Variants in CNBD1 observed in about 807,000 individuals in gnomAD.
The protein encoded by CNBD1 is cyclic nucleotide-binding domain-containing protein 1.
CNBD1 carries 71 observed loss-of-function variants against 54.4 expected under a neutral mutation model. The observed-to-expected ratio is 1.30, with a 90% CI of 1.08 to 1.59. CNBD1 has a LOEUF of 1.59. CNBD1 is among the 40% of genes most tolerant of loss of function. The pLI, the probability that CNBD1 is intolerant of heterozygous loss-of-function variation, is 0.00. For missense variants in CNBD1, 659 were observed against 518.0 expected, an observed-to-expected ratio of 1.27 and a Z score of -2.64; for synonymous variants, 182 against 170.7, an observed-to-expected ratio of 1.07 and a Z score of -0.51.
At chr8:87,190,786 C>A (rs1813584492) in intron 4 of CNBD1, among the ~76,000 whole-genome samples, 1 of 149,352 alleles carries the variant, frequency 6.7e-6, no homozygotes, top group Non-Finnish European at 1.5e-5. Flanking sequence ...CCTTTGCCTG[C>A]TGTGTTAGTC....
intron 3 of CNBD1, among the ~76,000 whole-genome samples, chr8:86,927,909 T>C (rs1403842091): frequency 6.6e-6 from 1 of 152,072 alleles, no homozygotes; most frequent in African/African-American, 2.4e-5. Flanking sequence ...CTGGCTGATT[T>C]TGGGACTCCT....
At chr8:87,395,353 A>G (rs1811390527) in intron 2 of CNBD1, among the ~76,000 whole-genome samples, 1 of 151,920 alleles carries the variant, frequency 6.6e-6, no homozygotes. Context: ...TGGATTTTAG[A>G]ACACAAGTTA....
intron 6 of CNBD1, among the ~76,000 whole-genome samples, chr8:87,256,965 C>T (rs6993712): frequency 0.65 from 98,960 of 151,674 alleles, 32,803 homozygotes; most frequent in African/African-American, 0.74. Context: ...CAGTGAACCA[C>T]AAAAAGCTTT....
intron 6 of CNBD1, among the ~76,000 whole-genome samples, chr8:87,281,590 AT>A (rs1808603144): frequency 3.6e-5 from 2 of 55,250 alleles, no homozygotes; most frequent in Non-Finnish European, 7.3e-5. Context: ...ATATATATAT[AT>A]ATATATATAT....
intron 5 of CNBD1, among the ~76,000 whole-genome samples, chr8:87,226,724 T>TG (rs1205978033): frequency 3.9e-3 from 590 of 152,024 alleles, no homozygotes; most frequent in African/African-American, 0.013. Flanking sequence ...TCTGTTGATT[T>TG]GGGTGGAGAG....
intron 10 of CNBD1, among the ~76,000 whole-genome samples, chr8:87,369,023 TACA>T (rs1332271461): frequency 6.6e-6 from 1 of 152,024 alleles, no homozygotes; most frequent in African/African-American, 2.4e-5. Flanking sequence ...GGATCCATAT[TACA>T]ACAACTATAC....
At chr8:87,360,789 C>T (rs1034249808) in intron 10 of CNBD1, among the ~76,000 whole-genome samples, 2 of 151,690 alleles carry the variant, frequency 1.3e-5, no homozygotes, top group Non-Finnish European at 2.9e-5. Flanking sequence ...ATTTCAATTC[C>T]AAGGTGTTAT....
chr8:87,095,453 G>A (rs958223175), intron 4 of CNBD1, among the ~76,000 whole-genome samples: 13 of 152,140 alleles, frequency 8.5e-5, no homozygotes, highest in African/African-American at 2.4e-4. Context: ...GACTAGATTA[G>A]ATGTCTCTCT....
chr8:87,313,176 T>TTGATGC (rs1809305767), intron 8 of CNBD1, among the ~76,000 whole-genome samples: 1 of 152,070 alleles, frequency 6.6e-6, no homozygotes. Flanking sequence ...TTGAAAAGGT[T>TTGATGC]TGATGCTTTT....
Position 87,324,253 on chromosome 8 carries a change from T to A in CNBD1, c.1043-27432T>A, listed in dbSNP as rs1809613037. Among the ~76,000 whole-genome samples the A allele has an allele frequency of 4.0e-5, 5 of 125,734 alleles. No individual in the cohort carries two copies. The South Asian group carries it at 9.3e-4, about 23-fold the overall frequency. The allele number at this position is 125,734 out of a possible 152,430, so 82.5% of individuals were successfully genotyped here. ...CATCAATGTTCATCAAGGATATTGA[T>A]CTAAAATTCTCTTTTTTGGTTGTGT... On this transcript the variant is annotated intron_variant, in intron 8 of 10. Transcript: ENST00000518476.
chr8:86,870,373 T>C (rs924451148), intron 1 of CNBD1, among the ~76,000 whole-genome samples: 17 of 151,612 alleles, frequency 1.1e-4, no homozygotes, highest in African/African-American at 4.1e-4. Context: ...TTTTTTGTAT[T>C]TTTTTAGTAG....
At chr8:87,218,707 T>C (rs1433252574) in intron 5 of CNBD1, among the ~76,000 whole-genome samples, 24 of 152,162 alleles carry the variant, frequency 1.6e-4, no homozygotes, top group Middle Eastern at 3.4e-3. Context: ...TTTAAATAGA[T>C]ATGATATTGT....
At chr8:87,261,904 G>A (rs935924427) in intron 6 of CNBD1, among the ~76,000 whole-genome samples, 6 of 151,938 alleles carry the variant, frequency 3.9e-5, no homozygotes, top group African/African-American at 9.7e-5. Context: ...CCGGCACTTC[G>A]GGAGGCTGAG....
At chr8:87,201,669 A>G (rs1813864802) in intron 4 of CNBD1, among the ~76,000 whole-genome samples, 1 of 152,234 alleles carries the variant, frequency 6.6e-6, no homozygotes, top group African/African-American at 2.4e-5. Flanking sequence ...AGAAAAATGT[A>G]CAAGACTTGT....
intron 8 of CNBD1, among the ~76,000 whole-genome samples, chr8:87,324,404 T>C (rs1255585552): frequency 7.5e-6 from 1 of 132,690 alleles, no homozygotes; most frequent in African/African-American, 2.8e-5. Flanking sequence ...GTACCTCTGA[T>C]AGAATTCGGC....
At chr8:87,316,140 T>C (rs1223308542) in intron 8 of CNBD1, among the ~76,000 whole-genome samples, 3 of 151,910 alleles carry the variant, frequency 2.0e-5, no homozygotes, top group Non-Finnish European at 4.4e-5. Flanking sequence ...TGGCAAAAGG[T>C]TTAATAAATA....
chr8:87,126,340 A>G (rs1811988926), intron 4 of CNBD1, among the ~76,000 whole-genome samples: 1 of 152,006 alleles, frequency 6.6e-6, no homozygotes, highest in Non-Finnish European at 1.5e-5. Context: ...CTTTTTAAAT[A>G]TAGCCATTCT....
At position 87,269,495 on chromosome 8, in the gene CNBD1, A is replaced by G. The variant is rs545226286; in HGVS notation, c.772-15183A>G. ...TAGTTTCATAGGAATAGCATTGACTATAATTGCTTTGGGCCGTATGGCCAT... is the reference window on the plus strand; with the variant it reads ...TAGTTTCATAGGAATAGCATTGACTGTAATTGCTTTGGGCCGTATGGCCAT... On this transcript the variant is annotated intron_variant, in intron 6 of 10. Transcript: ENST00000518476. 9.2e-4 allele frequency among the ~76,000 whole-genome samples: 140 copies of G among 152,190 alleles called. 2 individuals carry two copies. The highest frequency in any genetic ancestry group is 3.2e-3 in the African/African-American group (135 of 41,584).
rs890015667 is a variant in CNBD1 at position 86,949,410 on chromosome 8, CCTCTT to C, written c.431+9658_431+9662del. ...TGGAATATCTTTCCATTTTTGGTGT[CCTCTT>C]CAATTTCTTTCATCAGTGTTATATA... On this transcript the variant is annotated intron_variant, in intron 4 of 10. Transcript: ENST00000518476. Among the ~76,000 whole-genome samples the C allele has an allele frequency of 1.9e-4, 29 of 152,124 alleles. 1 individual carries two copies. Among genetic ancestry groups the C allele is most frequent in the African/African-American group, 6.7e-4 (28 of 41,538 alleles).
Sources: gnomAD v4.1 joint callset for allele counts (sites outside exome capture counted in the v4.1 genomes callset) on GRCh38, gnomAD v4.1.1 for gene constraint, MANE v1.5 for transcripts, NCBI Gene and HGNC (gene_info 2026-07-23, HGNC 2026-07-21) for gene names.